Variants in SRGAP1 observed in about 807,000 individuals in gnomAD.
The protein encoded by SRGAP1 is SLIT-ROBO Rho GTPase activating protein 1, also known as SLIT-ROBO Rho GTPase-activating protein 1.
SRGAP1 carries 43 observed loss-of-function variants against 121.9 expected under a neutral mutation model. That is an observed-to-expected ratio of 0.35 (90% CI 0.28 to 0.46). The LOEUF is 0.46. Ranked by LOEUF, SRGAP1 falls within the 20% of genes least tolerant of loss-of-function variation. The pLI is 1.00. For synonymous variants in SRGAP1, 447 were observed against 485.4 expected (o/e 0.92, Z 1.04); for missense variants, 1,102 against 1,350.9 (o/e 0.82, Z 2.89).
chr12:63,861,292 A>ATG (rs1899438754), intron 1 of SRGAP1, among the ~76,000 whole-genome samples: 4 of 126,928 alleles, frequency 3.2e-5, no homozygotes, highest in African/African-American at 1.3e-4. Flanking sequence ...GTAGGCATAT[A>ATG]TATATATATA....
At chr12:64,139,901 C>A (rs2036929174) in intron 21 of SRGAP1, among the ~76,000 whole-genome samples, 1 of 151,864 alleles carries the variant, frequency 6.6e-6, no homozygotes, top group Admixed American at 6.6e-5. Context: ...TTTAATCCAT[C>A]TTGAATTGAT....
At chr12:63,936,120 T>G (rs2031653545) in intron 1 of SRGAP1, among the ~76,000 whole-genome samples, 1 of 152,078 alleles carries the variant, frequency 6.6e-6, no homozygotes, top group Non-Finnish European at 1.5e-5. Flanking sequence ...AGTTATTTTT[T>G]TAAAAAGAGA....
intron 1 of SRGAP1, among the ~76,000 whole-genome samples, chr12:63,953,530 G>A (rs761505899): frequency 6.6e-6 from 1 of 150,894 alleles, no homozygotes; most frequent in Non-Finnish European, 1.5e-5. Context: ...AGCCTCCCGA[G>A]TAGCTGAGAC....
intron 18 of SRGAP1, chr12:64,120,437 A>T (rs1183499742): frequency 1.3e-5 from 2 of 152,186 alleles, no homozygotes; most frequent in African/African-American, 4.8e-5. Flanking sequence ...AACCTACCTG[A>T]GAACTGGAAT....
intron 15 of SRGAP1, among the ~76,000 whole-genome samples, chr12:64,108,023 C>G (rs948716035): frequency 1.3e-5 from 2 of 152,188 alleles, no homozygotes; most frequent in African/African-American, 4.8e-5. Context: ...GGGTATGCCA[C>G]TTGCCCAGTT....
At chr12:63,979,290 G>A (rs1462953496) in intron 1 of SRGAP1, among the ~76,000 whole-genome samples, 1 of 151,860 alleles carries the variant, frequency 6.6e-6, no homozygotes, top group East Asian at 1.9e-4. Flanking sequence ...CACCTGCCTC[G>A]GCCTCCCAAA....
In SRGAP1 at chr12:64,097,275, T is replaced by C. The variant is rs1224847155; in HGVS notation, c.1713T>C (p.His571=). 3.1e-6 allele frequency: 5 copies of C among 1,610,462 alleles called. No individual in the cohort carries two copies. The highest frequency in any genetic ancestry group is 4.2e-6 in the Non-Finnish European group (5 of 1,178,392). The change falls in exon 15 of 22, where the codon CAT becomes CAC. Residue 571 remains histidine (H), a synonymous_variant. Transcript: ENST00000355086. ...CTTTGGCTGATGACCAGAGTAACCA[T>C]GATATTAACTCAGTTGCTGGCGTTC... ...ENPLADDQSN[H]DINSVAGVLK...
At position 64,111,724 on chromosome 12, in the gene SRGAP1, T is replaced by C. The variant is rs371345983; in HGVS notation, c.1920-38T>C. On this transcript the variant is annotated intron_variant, in intron 16 of 21. Transcript: ENST00000355086. ...AAACATTTATATCCTTTTTTTCTCT[T>C]TGTTCTTTTATAACTCCTTTCTTGT... is the stretch of plus-strand genomic sequence containing the variant. 9.9e-6 allele frequency: 15 copies of C among 1,521,038 alleles called. No individual in the cohort carries two copies. The African/African-American group carries it at 1.4e-4, about 14-fold the overall frequency. The allele number at this position is 1,521,038 out of a possible 1,614,324, so 94.2% of individuals were successfully genotyped here.
chr12:63,980,291 C>T (rs762183423), intron 1 of SRGAP1, among the ~76,000 whole-genome samples: 3 of 152,144 alleles, frequency 2.0e-5, no homozygotes, highest in Non-Finnish European at 2.9e-5. Flanking sequence ...TGAGCTCAAG[C>T]GATCTACCTG....
chr12:64,095,711 G>A (rs140753844), intron 14 of SRGAP1, among the ~76,000 whole-genome samples: 308 of 152,188 alleles, frequency 2.0e-3, no homozygotes, highest in African/African-American at 6.5e-3. Context: ...TTTTTTCAAT[G>A]TCAATACTTT....
At chr12:64,069,289 A>G (rs1158800630) in intron 8 of SRGAP1, among the ~76,000 whole-genome samples, 1 of 152,194 alleles carries the variant, frequency 6.6e-6, no homozygotes, top group Non-Finnish European at 1.5e-5. Context: ...CACTTGTGAA[A>G]TGGCCTCAGT....
intron 1 of SRGAP1, among the ~76,000 whole-genome samples, chr12:63,902,820 C>T (rs767353590): frequency 8.5e-5 from 13 of 152,142 alleles, no homozygotes; most frequent in Non-Finnish European, 1.9e-4. Context: ...GTTATAGCAA[C>T]CTCAGTCTTC....
intron 1 of SRGAP1, among the ~76,000 whole-genome samples, chr12:63,858,369 G>A (rs1899326084): frequency 1.3e-5 from 2 of 151,650 alleles, no homozygotes; most frequent in African/African-American, 4.8e-5. Flanking sequence ...TCACTTTGCT[G>A]CCCAGGCTGG....
chr12:64,068,129 A>T (rs2136544158), intron 8 of SRGAP1, among the ~76,000 whole-genome samples: 1 of 152,014 alleles, frequency 6.6e-6, no homozygotes, highest in African/African-American at 2.4e-5. Context: ...AATATGAAAA[A>T]TTAGCTGGGC....
intron 1 of SRGAP1, among the ~76,000 whole-genome samples, chr12:63,963,787 T>TA (rs3067618): frequency 0.41 from 61,943 of 151,352 alleles, 12,997 homozygotes; most frequent in South Asian, 0.52. Flanking sequence ...ATTTTAGAAG[T>TA]AAAAAAAAAT....
At chr12:63,880,840 G>A (rs1323647895) in intron 1 of SRGAP1, among the ~76,000 whole-genome samples, 1 of 152,122 alleles carries the variant, frequency 6.6e-6, no homozygotes, top group Non-Finnish European at 1.5e-5. Flanking sequence ...CCTGGCTCCT[G>A]GCAGACCCTA....
chr12:64,002,635 C>A (rs981873739), intron 3 of SRGAP1, among the ~76,000 whole-genome samples: 2 of 152,102 alleles, frequency 1.3e-5, no homozygotes, highest in African/African-American at 4.8e-5. Flanking sequence ...CCAAAGACTT[C>A]GAGAATTGAA....
Position 63,908,004 on chromosome 12 carries a change from T to C in SRGAP1, c.67+63121T>C, listed in dbSNP as rs1365086736. Among the ~76,000 whole-genome samples the C allele has an allele frequency of 2.0e-5, 3 of 152,226 alleles. No individual in the cohort carries two copies. The East Asian group carries it at 5.8e-4, about 29-fold the overall frequency. On this transcript the variant is annotated intron_variant, in intron 1 of 21. Transcript: ENST00000355086. Reference sequence around the variant, plus strand: ...TCGTGCTATCCCTGTTGAAAATCAGTTAACCATAAGTGTGAGAGTTTATTT... The same window carrying C: ...TCGTGCTATCCCTGTTGAAAATCAGCTAACCATAAGTGTGAGAGTTTATTT...
At chr12:63,986,551 G>A (rs1337494583) in intron 2 of SRGAP1, among the ~76,000 whole-genome samples, 2 of 151,960 alleles carry the variant, frequency 1.3e-5, no homozygotes, top group Non-Finnish European at 2.9e-5. Flanking sequence ...AGTCTCCCGA[G>A]TAGCAGGATT....
Sources: allele counts gnomAD v4.1 joint callset (sites outside exome capture counted in the v4.1 genomes callset), GRCh38; gene constraint gnomAD v4.1.1; transcripts MANE v1.5; gene names NCBI Gene and HGNC (gene_info 2026-07-23, HGNC 2026-07-21).